Variants in FSTL4 observed in about 807,000 individuals in gnomAD.
FSTL4 encodes follistatin like 4, also known as follistatin-related protein 4.
Under a neutral mutation model 78.2 loss-of-function variants are expected in FSTL4, and 28 were observed. That is an observed-to-expected ratio of 0.36 (90% CI 0.27 to 0.49). The LOEUF (loss-of-function observed/expected upper bound fraction) is 0.49, where lower values mean the gene tolerates loss of function less well. Among genes scored for constraint, FSTL4 ranks in the 20% least tolerant of loss-of-function variants. The pLI is 0.98. For missense variants in FSTL4, 922 were observed against 1,084.9 expected (o/e 0.85, Z 2.11); for synonymous variants, 422 against 440.5 (o/e 0.96, Z 0.53).
chr5:133,618,281 G>A, the FSTL4 span, among the ~76,000 whole-genome samples: 1 of 152,170 alleles, frequency 6.6e-6, no homozygotes, highest in African/African-American at 2.4e-5. Flanking sequence ...GCGATTGACT[G>A]CAGGTAACTA....
At chr5:133,738,688 C>T in the FSTL4 span, among the ~76,000 whole-genome samples, 1 of 152,154 alleles carries the variant, frequency 6.6e-6, no homozygotes, top group Admixed American at 6.6e-5. Context: ...AGGTAGTACA[C>T]TTCCCCTAAG....
chr5:133,223,879 C>T (rs1751239869), intron 11 of FSTL4, among the ~76,000 whole-genome samples: 1 of 152,156 alleles, frequency 6.6e-6, no homozygotes, highest in Non-Finnish European at 1.5e-5. Flanking sequence ...ACACTAAACC[C>T]AACACCAGTC....
intron 4 of FSTL4, among the ~76,000 whole-genome samples, chr5:133,354,191 C>G (rs571816128): frequency 6.6e-6 from 1 of 152,108 alleles, no homozygotes; most frequent in Non-Finnish European, 1.5e-5. Context: ...AAAAAAAGCA[C>G]AGGGAGTTGA....
At chr5:133,222,330 CA>C (rs768197622) in intron 11 of FSTL4, among the ~76,000 whole-genome samples, 1 of 152,152 alleles carries the variant, frequency 6.6e-6, no homozygotes, top group Non-Finnish European at 1.5e-5. Context: ...CAGCTCCCGC[CA>C]AGAGTCAGTC....
At chr5:133,664,779 T>A in the FSTL4 span, among the ~76,000 whole-genome samples, 1 of 152,190 alleles carries the variant, frequency 6.6e-6, no homozygotes, top group Non-Finnish European at 1.5e-5. Context: ...CTTAGATGGA[T>A]CATTTTATTT....
intron 6 of FSTL4, among the ~76,000 whole-genome samples, chr5:133,277,780 G>A (rs993038550): frequency 6.6e-6 from 1 of 152,166 alleles, no homozygotes. Flanking sequence ...TCCCCCACCG[G>A]CATGATGTAG....
At chr5:133,605,596 C>T (rs1760960167) in intron 1 of FSTL4, among the ~76,000 whole-genome samples, 1 of 152,224 alleles carries the variant, frequency 6.6e-6, no homozygotes, top group Non-Finnish European at 1.5e-5. Flanking sequence ...CTCTCCACAT[C>T]TGCTTTATGT....
chr5:133,781,365 TTGTGTGTGTGTGTG>T, the FSTL4 span, among the ~76,000 whole-genome samples: 1,949 of 143,394 alleles, frequency 0.014, 29 homozygotes, highest in East Asian at 0.055. Context: ...TGTTAAGCGG[TTGTGTGTGTGTGTG>T]TGTGTGTGTG....
the FSTL4 span, among the ~76,000 whole-genome samples, chr5:133,643,519 C>T: frequency 2.0e-5 from 3 of 152,074 alleles, no homozygotes; most frequent in South Asian, 2.1e-4. Flanking sequence ...GTGCCTGCCA[C>T]GCCACCACTC....
the FSTL4 span, among the ~76,000 whole-genome samples, chr5:133,677,561 C>T: frequency 5.3e-5 from 8 of 152,328 alleles, no homozygotes; most frequent in South Asian, 1.7e-3. Context: ...ATGTATCCTG[C>T]AAGTGAATAG....
the FSTL4 span, among the ~76,000 whole-genome samples, chr5:133,775,069 T>C: frequency 6.6e-6 from 1 of 152,198 alleles, no homozygotes; most frequent in African/African-American, 2.4e-5. Flanking sequence ...AGAGGAAACA[T>C]ATACCTTGCA....
At chr5:133,264,195 C>T (rs11949143) in intron 6 of FSTL4, among the ~76,000 whole-genome samples, 8,699 of 152,208 alleles carry the variant, frequency 0.057, 775 homozygotes, top group African/African-American at 0.18. Context: ...GCTCCAAATA[C>T]CAATAGTGGC....
the FSTL4 span, among the ~76,000 whole-genome samples, chr5:133,745,914 T>A: frequency 6.6e-6 from 1 of 152,190 alleles, no homozygotes; most frequent in Non-Finnish European, 1.5e-5. Context: ...TTCCCCGTGA[T>A]GGATATACCT....
At chr5:133,318,403 G>C (rs922019960) in intron 4 of FSTL4, among the ~76,000 whole-genome samples, 1 of 152,142 alleles carries the variant, frequency 6.6e-6, no homozygotes, top group Non-Finnish European at 1.5e-5. Flanking sequence ...TAAGTTTTGG[G>C]GAAGAGGAGG....
At chr5:133,592,211 G>A (rs951173653) in intron 2 of FSTL4, among the ~76,000 whole-genome samples, 2 of 152,142 alleles carry the variant, frequency 1.3e-5, no homozygotes, top group East Asian at 1.9e-4. Context: ...CGTCACCCAC[G>A]GTTTGGCCTG....
the FSTL4 span, among the ~76,000 whole-genome samples, chr5:133,745,468 C>T: frequency 6.6e-6 from 1 of 152,172 alleles, no homozygotes; most frequent in Non-Finnish European, 1.5e-5. Flanking sequence ...TTTATAAATC[C>T]ACACATAGTG....
the FSTL4 span, among the ~76,000 whole-genome samples, chr5:133,827,385 G>A: frequency 0.031 from 4,721 of 152,250 alleles, 108 homozygotes; most frequent in Non-Finnish European, 0.044. Flanking sequence ...TGGGAGGGCA[G>A]AGAATATTGA....
chr5:133,500,734 T>G (rs1758476840), intron 3 of FSTL4, among the ~76,000 whole-genome samples: 1 of 152,192 alleles, frequency 6.6e-6, no homozygotes, highest in Non-Finnish European at 1.5e-5. Context: ...GCTGATAAAA[T>G]AGCCAAACCT....
the FSTL4 span, among the ~76,000 whole-genome samples, chr5:133,650,243 A>G: frequency 1.3e-5 from 2 of 152,152 alleles, no homozygotes; most frequent in African/African-American, 4.8e-5. Flanking sequence ...CCCATCCCCA[A>G]CATCAGGAAC....
Sources: gnomAD v4.1 joint callset for allele counts (sites outside exome capture counted in the v4.1 genomes callset) on GRCh38, gnomAD v4.1.1 for gene constraint, MANE v1.5 for transcripts, NCBI Gene and HGNC (gene_info 2026-07-23, HGNC 2026-07-21) for gene names.